Variants in MZF1 observed in about 807,000 individuals in gnomAD.
The protein encoded by MZF1 is myeloid zinc finger 1.
A neutral mutation model predicts 28.6 loss-of-function variants in MZF1; 24 were observed. That is an observed-to-expected ratio of 0.84 (90% CI 0.61 to 1.18). The LOEUF (loss-of-function observed/expected upper bound fraction) is 1.18. Among genes scored for constraint, MZF1 ranks in the 50% most tolerant of loss-of-function variants. The probability of loss-of-function intolerance (pLI) is 0.00; values close to 1 mark genes in which losing one functional copy is unlikely to be tolerated. For synonymous variants in MZF1, 516 were observed against 432.5 expected, an observed-to-expected ratio of 1.19 and a Z score of -2.40; for missense variants, 1,166 against 1,026.4, an observed-to-expected ratio of 1.14 and a Z score of -1.86.
chr19:58,570,534 A>G lies in MZF1; in HGVS notation c.397-7T>C. ...CCTGCACCTGGACTGTGACCTGGGG[A>G]GGTGCCCCCACCATCAGAAGTCCTA... On this transcript the variant is annotated splice_region_variant and splice_polypyrimidine_tract_variant and intron_variant, in intron 2 of 5. Transcript: ENST00000215057. 2 of 1,609,258 alleles carry G rather than the reference A, an allele frequency of 1.2e-6. No homozygotes were observed. The highest frequency in any genetic ancestry group is 1.7e-6 in the Non-Finnish European group (2 of 1,177,662).
In MZF1 at chr19:58,567,625, T is replaced by C. The variant is rs575890219; in HGVS notation, c.772+1652A>G. ...TAGCCACATTGCCCTATGGATCTGT[T>C]TGCAGCATCCACTCATACTCAAGCT... On this transcript the variant is annotated intron_variant, in intron 5 of 5. Transcript: ENST00000215057. Among the ~76,000 whole-genome samples, 3 of 152,284 alleles carry C rather than the reference T, an allele frequency of 2.0e-5. No individual in the cohort carries two copies. In the South Asian group the frequency reaches 6.2e-4, roughly 32 times the overall value.
rs1314209671 is a variant in MZF1 at position 58,571,557 on chromosome 19, A to C, written c.-40-128T>G. 3 of 870,184 alleles carry C rather than the reference A, an allele frequency of 3.4e-6. No homozygotes were observed. The East Asian group carries it at 8.0e-5, about 23-fold the overall frequency. 53.9% of individuals were successfully genotyped at this position (870,184 alleles called of 1,614,324 possible). A position where few individuals can be genotyped will look rare whatever the true frequency, so the allele number is the denominator to read the frequency against. On this transcript the variant is annotated intron_variant, in intron 1 of 5. Coordinates refer to ENST00000215057, the MANE Select transcript of MZF1 (RefSeq NM_198055.2). ...AAGGCAGATGAGGAAACAGGCAAAGAAAGGCCATCTACAACCCACAGACTT... is the reference window on the plus strand; with the variant it reads ...AAGGCAGATGAGGAAACAGGCAAAGCAAGGCCATCTACAACCCACAGACTT...
Position 58,571,383 on chromosome 19 carries a change from G to A in MZF1, c.7C>T (p.Pro3Ser). 1.9e-6 allele frequency: 3 copies of A among 1,614,086 alleles called. No homozygotes were observed. Among genetic ancestry groups the A allele is most frequent in the Non-Finnish European group, 2.5e-6 (3 of 1,179,998 alleles). The stretch of plus-strand genomic sequence containing the variant: ...CGGTCTGGGGAGCCCAGCACCGCAG[G>A]CCTCATAGAGGGTACCAGGTCAGGT... The part of the protein sequence containing the change: MR[P>S]AVLGSPDRAP... The change falls in exon 2 of 6, where the codon CCT becomes TCT. Residue 3 changes from proline to serine, a missense_variant. Transcript: ENST00000215057.
intron 5 of MZF1, chr19:58,568,477 T>A (rs958719138): frequency 1.2e-4 from 18 of 152,152 alleles, no homozygotes; most frequent in African/African-American, 4.3e-4. Flanking sequence ...TTCAAGGCAG[T>A]TTCCCAGAAC....
chr19:58,571,005 G>T lies in MZF1; in HGVS notation c.385C>A (p.Pro129Thr). Residue 129 changes from proline (P) to threonine (T), a missense_variant, in exon 2 of 6, where the codon CCC becomes ACC. Pro to Thr is a conservative substitution (Grantham distance 38). Transcript: ENST00000215057. ...GGACACTCACTCACCCATCTCCGGG[G>T]TCCGCCCGGCTCCCGGCGCAGCCCA... Reference protein sequence around the residue: ...VDGLRREPGGPRRWVTVQVQG... With the variant: ...VDGLRREPGGTRRWVTVQVQG... 6.2e-7 allele frequency: 1 copy of T among 1,607,258 alleles called. No individual in the cohort carries two copies. The highest frequency in any genetic ancestry group is 8.5e-7 in the Non-Finnish European group (1 of 1,175,970).
Position 58,563,176 on chromosome 19 carries a change from T to G in MZF1, c.1101A>C (p.Gln367His). ...TCTGGTGCCTCAGCAGGTTGCTGCG[T>G]TGGCTGAACACCTTGCCACATACAT... ...RCDVCGKVFS[Q>H]RSNLLRHQKI... Residue 367 changes from glutamine (Q) to histidine (H), a missense_variant, in exon 6 of 6, where the codon CAA becomes CAC. Gln to His is a conservative substitution (Grantham distance 24, BLOSUM62 0). Coordinates refer to ENST00000215057, the MANE Select transcript of MZF1 (RefSeq NM_198055.2). The G allele has an allele frequency of 6.2e-7, 1 of 1,610,848 alleles. No homozygotes were observed. The highest frequency in any genetic ancestry group is 1.1e-5 in the South Asian group (1 of 90,984).
intron 5 of MZF1, 121 bp downstream of exon 5, chr19:58,569,155 GA>G: frequency 7.5e-7 from 1 of 1,324,978 alleles, no homozygotes; most frequent in Non-Finnish European, 1.0e-6. Flanking sequence ...ATGATCTAGG[GA>G]ATGGGGGAAC....
rs1365785847 is a variant in MZF1, at chr19:58,562,372, C to A, written c.1905G>T (p.Thr635=). The change falls in exon 6 of 6, where the codon ACG becomes ACT. Residue 635 remains threonine, a synonymous_variant. Transcript: ENST00000215057. ...YHCGECGLGF[T]QVSRLTEHQR... is the part of the protein sequence containing the mutation. ...GGTGCTCGGTGAGCCGCGAGACCTG[C>A]GTGAAGCCCAGGCCGCACTCACCGC... The A allele has an allele frequency of 6.2e-7, 1 of 1,607,628 alleles. No individual in the cohort carries two copies. The highest frequency in any genetic ancestry group is 1.7e-5 in the Admixed American group (1 of 59,022).
intron 3 of MZF1, 114 bp from the exon 4 acceptor site, chr19:58,569,700 G>C: frequency 1.1e-6 from 1 of 895,364 alleles, no homozygotes. Flanking sequence ...TTGTGGGCTT[G>C]GGTTGGGGAG....
At chr19:58,570,321 G>A (rs77170795) in intron 3 of MZF1, 23 bp downstream of exon 3, 116 of 1,582,370 alleles carry the variant, frequency 7.3e-5, no homozygotes, top group Middle Eastern at 6.8e-4. Context: ...GACCTTAGGC[G>A]CGCCCACCGT....
rs747800278 is a variant in MZF1 at position 58,569,260 on chromosome 19, C to T, written c.772+17G>A. 4 of 1,581,342 alleles carry T rather than the reference C, an allele frequency of 2.5e-6. No homozygotes were observed. The highest frequency in any genetic ancestry group is 1.8e-5 in the Admixed American group (1 of 56,112). ...CCATGCGGAAGGCCTAGTCCCACCA[C>T]ACCCCATCTCACTTACCTGGGGAGA... On this transcript the variant is annotated intron_variant, in intron 5 of 5. Coordinates refer to ENST00000215057, the MANE Select transcript of MZF1 (RefSeq NM_198055.2).
chr19:58,563,339 C>G lies in MZF1; in HGVS notation c.938G>C (p.Ser313Thr), dbSNP rs114386645. ...ATCCTCGTCCGTGGGGTCCTGTTCACTCCTCAGATCGCTGGGGAGCAGAAG... is the reference window on the plus strand; with the variant it reads ...ATCCTCGTCCGTGGGGTCCTGTTCAGTCCTCAGATCGCTGGGGAGCAGAAG... ...HALLLPSDLR[S>T]EQDPTDEDPC... is the part of the protein sequence containing the mutation. The change falls in exon 6 of 6, where the codon AGT (serine) becomes ACT (threonine). Residue 313 changes from serine to threonine, a missense_variant. Transcript: ENST00000215057. The G allele has an allele frequency of 4.7e-4, 758 of 1,608,838 alleles. 2 individuals are homozygous for G. In the African/African-American group the frequency reaches 7.5e-3, roughly 16 times the overall value.
In MZF1 at chr19:58,562,504, G is replaced by A. The variant is rs141474566; in HGVS notation, c.1773C>T (p.His591=). ...GGCAGGCAAAGGGTTTCTCGCCCGT[G>A]TGTACGCGGAGATGCTGCGTGAGCG... ...RPTLTQHLRV[H]TGEKPFACPE... Residue 591 remains histidine, a synonymous_variant, in exon 6 of 6, where the codon CAC becomes CAT. Coordinates refer to ENST00000215057, the MANE Select transcript of MZF1 (RefSeq NM_198055.2). 6.3e-4 allele frequency: 1,016 copies of A among 1,610,644 alleles called. 4 individuals carry two copies. Among genetic ancestry groups the A allele is most frequent in the South Asian group, 3.1e-3 (281 of 90,726 alleles).
chr19:58,568,181 G>C (rs931871158), intron 5 of MZF1: 1 of 152,104 alleles, frequency 6.6e-6, no homozygotes, highest in Non-Finnish European at 1.5e-5. Context: ...GGAGTTCAAG[G>C]TTACAGTAAG....
At position 58,562,624 on chromosome 19, in the gene MZF1, C is replaced by A. The variant is rs1329146298; in HGVS notation, c.1653G>T (p.Arg551=). The A allele has an allele frequency of 6.4e-7, 1 of 1,567,812 alleles. No homozygotes were observed. Among genetic ancestry groups the A allele is most frequent in the African/African-American group, 1.4e-5 (1 of 74,034 alleles). Residue 551 remains arginine, a synonymous_variant, in exon 6 of 6, where the codon CGG becomes CGT. Transcript: ENST00000215057. ...FACAECGQSF[R]QRSNLTQHRR... ...GGTGCTGCGTCAGGTTGGAGCGCTG[C>A]CGGAAGCTCTGGCCGCACTCGGCAC... is the stretch of plus-strand genomic sequence containing the variant.
intron 5 of MZF1, among the ~76,000 whole-genome samples, chr19:58,566,709 T>G (rs986747037): frequency 6.6e-6 from 1 of 152,052 alleles, no homozygotes; most frequent in Non-Finnish European, 1.5e-5. Context: ...TGTGGTGACT[T>G]GAGCCTGTAA....
At chr19:58,566,657 T>C (rs538895486) in intron 5 of MZF1, among the ~76,000 whole-genome samples, 63 of 152,226 alleles carry the variant, frequency 4.1e-4, no homozygotes, top group African/African-American at 1.5e-3. Flanking sequence ...CTATTCAGAA[T>C]AGTCTCCTGA....
At chr19:58,569,775 A>C (rs1343335324) in intron 3 of MZF1, 189 bp from the exon 4 acceptor site, 1 of 570,004 alleles carries the variant, frequency 1.8e-6, no homozygotes, top group African/African-American at 1.9e-5. Flanking sequence ...CTGGAAGGCC[A>C]GGGGTTGAGC....
chr19:58,564,902 G>GTTTTTTTTTTTT lies in MZF1; in HGVS notation c.773-1410_773-1399dup, dbSNP rs71190056. ...GTGGAGAATAAGCATCCATGTGTGT[G>GTTTTTTTTTTTT]TTTTTTTTTTTTTTTTTTTTTTTTT... On this transcript the variant is annotated intron_variant, in intron 5 of 5. Coordinates refer to ENST00000215057, the MANE Select transcript of MZF1 (RefSeq NM_198055.2). Among the ~76,000 whole-genome samples, 12 of 41,996 alleles carry GTTTTTTTTTTTT rather than the reference G, an allele frequency of 2.9e-4. 2 individuals carry two copies. Among genetic ancestry groups the GTTTTTTTTTTTT allele is most frequent in the East Asian group, 1.4e-3 (1 of 712 alleles). The allele number at this position is 41,996 out of a possible 152,430, so 27.6% of individuals were successfully genotyped here.
Sources: allele counts gnomAD v4.1 joint callset (sites outside exome capture counted in the v4.1 genomes callset), GRCh38; gene constraint gnomAD v4.1.1; transcripts MANE v1.5; gene names NCBI Gene and HGNC (gene_info 2026-07-23, HGNC 2026-07-21).